Variants in RFX2 observed in about 807,000 individuals in gnomAD.
RFX2 encodes DNA-binding protein RFX2.
A neutral mutation model predicts 87.8 loss-of-function variants in RFX2; 20 were observed. The observed-to-expected ratio is 0.23, with a 90% CI of 0.16 to 0.33. RFX2 has a LOEUF of 0.33. Ranked by LOEUF, RFX2 falls within the 10% of genes least tolerant of loss-of-function variation. RFX2 has a pLI of 1.00. For synonymous variants in RFX2, 397 were observed against 431.3 expected, an observed-to-expected ratio of 0.92 and a Z score of 0.98; for missense variants, 767 against 1,012.3, an observed-to-expected ratio of 0.76 and a Z score of 3.29.
intron 1 of RFX2, among the ~76,000 whole-genome samples, chr19:6,105,499 A>ACTTTGG (rs1431461539): frequency 6.6e-6 from 1 of 152,082 alleles, no homozygotes; most frequent in East Asian, 1.9e-4. Context: ...GTTAGGGGTG[A>ACTTTGG]CTTTGGCTTT....
chr19:6,012,621 C>T lies in RFX2; in HGVS notation c.899+365G>A, dbSNP rs1274750037. Among the ~76,000 whole-genome samples, 2 of 151,894 alleles carry T rather than the reference C, an allele frequency of 1.3e-5. No individual in the cohort carries two copies. Among genetic ancestry groups the T allele is most frequent in the Non-Finnish European group, 2.9e-5 (2 of 67,990 alleles). ...GGGTCACGGGTCATGAGCAATGCACCGCTGTGTGGGGGAGGTGAATGGTGG... is the reference window on the plus strand; with the variant it reads ...GGGTCACGGGTCATGAGCAATGCACTGCTGTGTGGGGGAGGTGAATGGTGG... On this transcript the variant is annotated intron_variant, in intron 8 of 17. Transcript: ENST00000303657. The surrounding 1 kb of genome is among the most constrained non-coding windows in gnomAD (Gnocchi z 4.6).
rs996753066 is a variant in RFX2, at chr19:6,063,413, G to A, written c.-8-15909C>T. Among the ~76,000 whole-genome samples the A allele has an allele frequency of 2.0e-5, 3 of 152,188 alleles. No individual in the cohort carries two copies. Among genetic ancestry groups the A allele is most frequent in the East Asian group, 3.9e-4 (2 of 5,190 alleles). ...TGGCTGCAGTGCATGGAGGGCCACC[G>A]GAGGCTGGCACTGGTGTCTCCTGCA... On this transcript the variant is annotated intron_variant, in intron 1 of 17. Coordinates refer to ENST00000303657, the MANE Select transcript of RFX2 (RefSeq NM_000635.4). This position sits in a 1 kb window ranked among gnomAD's most constrained non-coding sequence, Gnocchi z 4.0.
chr19:6,043,048 C>T (rs150972924), intron 3 of RFX2, among the ~76,000 whole-genome samples: 182 of 152,330 alleles, frequency 1.2e-3, no homozygotes, highest in East Asian at 2.9e-3. Context: ...TGCACTTGTC[C>T]AACGCACCAC....
intron 1 of RFX2, among the ~76,000 whole-genome samples, chr19:6,106,229 G>GT (rs2088214323): frequency 7.8e-6 from 1 of 128,056 alleles, no homozygotes; most frequent in Non-Finnish European, 1.6e-5. Flanking sequence ...CCATCGGCCT[G>GT]CCCATCCATC....
intron 5 of RFX2, among the ~76,000 whole-genome samples, chr19:6,034,736 T>C (rs1341498891): frequency 6.6e-6 from 1 of 152,138 alleles, no homozygotes; most frequent in Non-Finnish European, 1.5e-5. Flanking sequence ...GATTCTGTCA[T>C]GAGCTGTGCC....
chr19:6,095,441 G>A (rs2088007573), intron 1 of RFX2, among the ~76,000 whole-genome samples: 1 of 152,162 alleles, frequency 6.6e-6, no homozygotes, highest in South Asian at 2.1e-4. Flanking sequence ...GATGGGGTGA[G>A]AAAGAAAAGG....
chr19:6,043,652 G>C (rs914608752), intron 3 of RFX2, among the ~76,000 whole-genome samples: 1 of 152,230 alleles, frequency 6.6e-6, no homozygotes, highest in Non-Finnish European at 1.5e-5. Context: ...TCCAGAGACT[G>C]CCTGGACCAC....
In RFX2 at chr19:5,997,153, G is replaced by A. The variant is rs764026497; in HGVS notation, c.1920C>T (p.Leu640=). 2 of 1,613,558 alleles carry A rather than the reference G, an allele frequency of 1.2e-6. No homozygotes were observed. Among genetic ancestry groups the A allele is most frequent in the African/African-American group, 1.3e-5 (1 of 74,952 alleles). The part of the protein sequence containing the change: ...RSAASFGSFH[L]IRLLYDEYMF... ...TGTACTCGTCGTAGAGCAGGCGGATGAGGTGGAAGGAGCCGAAGCTGGCAG... is the reference window on the plus strand; with the variant it reads ...TGTACTCGTCGTAGAGCAGGCGGATAAGGTGGAAGGAGCCGAAGCTGGCAG... The change falls in exon 16 of 18, where the codon CTC becomes CTT. Residue 640 remains leucine, a synonymous_variant. Transcript: ENST00000303657. The surrounding 1 kb of genome is among the most constrained non-coding windows in gnomAD (Gnocchi z 4.2).
chr19:6,026,277 G>GA lies in RFX2; in HGVS notation c.523-41dup, dbSNP rs34910462. The GA allele has an allele frequency of 0.08, 87,905 of 1,104,472 alleles. 7 individuals are homozygous for GA. The highest frequency in any genetic ancestry group is 0.087 in the Non-Finnish European group (69,359 of 795,058). The allele number at this position is 1,104,472 out of a possible 1,614,324, so 68.4% of individuals were successfully genotyped here. On this transcript the variant is annotated intron_variant, in intron 5 of 17. Transcript: ENST00000303657. This position sits in a 1 kb window ranked among gnomAD's most constrained non-coding sequence, Gnocchi z 4.5. ...TGCAGAAACAAAACAAAACAAAATG[G>GA]AAAAAAAAAAAAAGGAAATCAGATG...
rs1373120091 is a variant in RFX2, at chr19:6,004,253, C to T, written c.1448G>A (p.Gly483Asp). The T allele has an allele frequency of 1.9e-6, 3 of 1,613,978 alleles. No homozygotes were observed. Among genetic ancestry groups the T allele is most frequent in the African/African-American group, 1.3e-5 (1 of 74,910 alleles). ...AIRNFAKSLE[G>D]WLTNAMSDFP... is the part of the protein sequence containing the mutation. Reference sequence around the variant, plus strand: ...GTCACTCATGGCATTTGTCAACCAGCCTTCCAAGCTCTTGGCAAAGTTACG... The same window carrying T: ...GTCACTCATGGCATTTGTCAACCAGTCTTCCAAGCTCTTGGCAAAGTTACG... Residue 483 changes from glycine to aspartate, a missense_variant, in exon 13 of 18, where the codon GGC becomes GAC. Gly to Asp is a moderately conservative substitution (Grantham distance 94, BLOSUM62 -1). Transcript: ENST00000303657. This position sits in a 1 kb window ranked among gnomAD's most constrained non-coding sequence, Gnocchi z 4.8.
At chr19:6,042,187 C>G (rs2087120049) in intron 3 of RFX2, 64 bp from the exon 4 acceptor site, 1 of 1,418,964 alleles carries the variant, frequency 7.0e-7, no homozygotes, top group Non-Finnish European at 9.9e-7. Flanking sequence ...GCAGATTATT[C>G]AAGCTAGACG....
intron 1 of RFX2, among the ~76,000 whole-genome samples, chr19:6,109,681 GT>G (rs762000628): frequency 6.6e-6 from 1 of 152,150 alleles, no homozygotes; most frequent in Non-Finnish European, 1.5e-5. Context: ...AATTTCGGAG[GT>G]TTGGGGAGTA....
chr19:6,026,562 C>G lies in RFX2; in HGVS notation c.523-325G>C. The G allele has an allele frequency of 2.7e-6, 1 of 366,374 alleles. No homozygotes were observed. The highest frequency in any genetic ancestry group is 5.1e-6 in the Non-Finnish European group (1 of 197,780). 22.7% of individuals were successfully genotyped at this position (366,374 alleles called of 1,614,324 possible). On this transcript the variant is annotated intron_variant, in intron 5 of 17. Coordinates refer to ENST00000303657, the MANE Select transcript of RFX2 (RefSeq NM_000635.4). The surrounding 1 kb of genome is among the most constrained non-coding windows in gnomAD (Gnocchi z 4.5). The stretch of plus-strand genomic sequence containing the variant: ...GCACGCCGTAGCATTAATATGCAGC[C>G]ACTGCATCCATTCCAGTGTCAGCCA...
At position 6,080,510 on chromosome 19, in the gene RFX2, G is replaced by T. The variant is rs113850068; in HGVS notation, c.-9+29883C>A. Among the ~76,000 whole-genome samples, 692 of 152,272 alleles carry T rather than the reference G, an allele frequency of 4.5e-3. 3 individuals carry two copies. The highest frequency in any genetic ancestry group is 8.5e-3 in the Non-Finnish European group (575 of 68,024). ...TTGTTCAGTAGAGATCCGGGCTGTG[G>T]TGCAAGGTGATTGCAGAGGGATAGA... On this transcript the variant is annotated intron_variant, in intron 1 of 17. Transcript: ENST00000303657.
chr19:6,079,161 C>G (rs2087740789), intron 1 of RFX2, among the ~76,000 whole-genome samples: 1 of 152,202 alleles, frequency 6.6e-6, no homozygotes, highest in African/African-American at 2.4e-5. Flanking sequence ...AAACTGTAAT[C>G]CTGTAAATTA....
chr19:6,108,899 C>G (rs1445264938), intron 1 of RFX2, among the ~76,000 whole-genome samples: 1 of 151,992 alleles, frequency 6.6e-6, no homozygotes, highest in South Asian at 2.1e-4. Context: ...CCAACTTTCC[C>G]AGCGGTGCAG....
In RFX2 at chr19:6,044,044, A is replaced by C; in HGVS notation, c.180+149T>G. 1 of 424,010 alleles carries C rather than the reference A, an allele frequency of 2.4e-6. No homozygotes were observed. The highest frequency in any genetic ancestry group is 4.1e-6 in the Non-Finnish European group (1 of 246,088). 26.3% of individuals were successfully genotyped at this position (424,010 alleles called of 1,614,324 possible). On this transcript the variant is annotated intron_variant, in intron 3 of 17. Coordinates refer to ENST00000303657, the MANE Select transcript of RFX2 (RefSeq NM_000635.4). This position sits in a 1 kb window ranked among gnomAD's most constrained non-coding sequence, Gnocchi z 5.3. ...GTAAATGATTTTTTTAAAATTGCAC[A>C]GCTTCTGGAAAAGTCTTTTGGCTAA...
At chr19:6,019,512 A>ATGTGTGTGTGTGTGTG (rs147877773) in intron 6 of RFX2, among the ~76,000 whole-genome samples, 105 of 126,986 alleles carry the variant, frequency 8.3e-4, no homozygotes, top group African/African-American at 3.1e-3. Flanking sequence ...GTGTGTGAGT[A>ATGTGTGTGTGTGTGTG]TGTGTGTGTG....
rs61426112 is a variant in RFX2 at position 6,061,447 on chromosome 19, T to A, written c.-8-13943A>T. Among the ~76,000 whole-genome samples the A allele has an allele frequency of 7.0e-3, 1,059 of 152,252 alleles. 16 individuals are homozygous for A. The highest frequency in any genetic ancestry group is 0.024 in the African/African-American group (1,007 of 41,548). Reference sequence around the variant, plus strand: ...TCTGTAGGATCCCTTCTTTAGAGGGTTGGAGCCTACCCTTCACACTTACAA... The same window carrying A: ...TCTGTAGGATCCCTTCTTTAGAGGGATGGAGCCTACCCTTCACACTTACAA... On this transcript the variant is annotated intron_variant, in intron 1 of 17. Coordinates refer to ENST00000303657, the MANE Select transcript of RFX2 (RefSeq NM_000635.4). The surrounding 1 kb of genome is among the most constrained non-coding windows in gnomAD (Gnocchi z 5.2).
Sources: allele counts gnomAD v4.1 joint callset (sites outside exome capture counted in the v4.1 genomes callset), GRCh38; gene constraint gnomAD v4.1.1; non-coding constraint Gnocchi (gnomAD v3.1); transcripts MANE v1.5; gene names NCBI Gene and HGNC (gene_info 2026-07-23, HGNC 2026-07-21).